The following SCAF11 variants were observed in gnomAD, a reference collection of about 807,000 sequenced individuals.
SCAF11 encodes the protein protein SCAF11.
Under a neutral mutation model 140.5 loss-of-function variants are expected in SCAF11, and 47 were observed. That is an observed-to-expected ratio of 0.33 (90% CI 0.26 to 0.43). SCAF11 has a LOEUF of 0.43. SCAF11 is among the 20% of genes least tolerant of loss of function. SCAF11 has a pLI of 1.00. For missense variants in SCAF11, 1,645 were observed against 1,705.1 expected (o/e 0.96, Z 0.62); for synonymous variants, 557 against 579.4 (o/e 0.96, Z 0.55).
At chr12:45,963,022 A>T (rs1298813950) in intron 2 of SCAF11, among the ~76,000 whole-genome samples, 2 of 152,268 alleles carry the variant, frequency 1.3e-5, no homozygotes, top group African/African-American at 4.8e-5. Flanking sequence ...GACAATCAGC[A>T]GATTAGATCC....
chr12:45,925,186 A>T, intron 11 of SCAF11, 112 bp from the exon 12 acceptor site: 2 of 687,712 alleles, frequency 2.9e-6, no homozygotes, highest in Non-Finnish European at 4.8e-6. Context: ...TAGGCTCAGT[A>T]TACCAATACC....
Position 45,926,533 on chromosome 12 carries a change from T to C in SCAF11, c.3168A>G (p.Gly1056=), listed in dbSNP as rs748237176. 5 of 1,613,064 alleles carry C rather than the reference T, an allele frequency of 3.1e-6. No homozygotes were observed. The highest frequency in any genetic ancestry group is 1.7e-4 in the Middle Eastern group (1 of 6,056). Residue 1056 remains glycine, a synonymous_variant, in exon 11 of 15, where the codon GGA becomes GGG. Transcript: ENST00000369367. ...HWEENRNENS[G]NSWNKNFGSG... ...AACCAAAGTTTTTATTCCAAGAATT[T>C]CCTGAATTTTCATTTCTATTTTCTT... is the stretch of plus-strand genomic sequence containing the variant.
chr12:45,974,505 T>C lies in SCAF11; in HGVS notation c.-21-10317A>G, dbSNP rs916956960. 4.7e-5 allele frequency: 11 copies of C among 235,374 alleles called. 1 individual carries two copies. Among genetic ancestry groups the C allele is most frequent in the South Asian group, 1.6e-4 (3 of 19,092 alleles). 14.6% of individuals were successfully genotyped at this position (235,374 alleles called of 1,614,324 possible). On this transcript the variant is annotated intron_variant, in intron 1 of 14. Transcript: ENST00000369367. ...CACTGTGTTATCAACTAAGTTTATATACTATTTTAACAATGTTCACATCTT... is the reference window on the plus strand; with the variant it reads ...CACTGTGTTATCAACTAAGTTTATACACTATTTTAACAATGTTCACATCTT...
chr12:45,939,273 T>A (rs1051810861), intron 6 of SCAF11, among the ~76,000 whole-genome samples: 1 of 152,080 alleles, frequency 6.6e-6, no homozygotes, highest in Non-Finnish European at 1.5e-5. Flanking sequence ...CTAATCAAGA[T>A]ATAAGAATTC....
chr12:45,967,047 T>A (rs905685568), intron 1 of SCAF11, among the ~76,000 whole-genome samples: 1 of 152,198 alleles, frequency 6.6e-6, no homozygotes, highest in Non-Finnish European at 1.5e-5. Flanking sequence ...CTATGCTATT[T>A]TCACATTTCC....
At chr12:45,985,120 T>C (rs142462169) in intron 1 of SCAF11, among the ~76,000 whole-genome samples, 123 of 152,300 alleles carry the variant, frequency 8.1e-4, no homozygotes, top group African/African-American at 2.9e-3. Flanking sequence ...GAAAACAAGA[T>C]TTGGATGCTC....
chr12:45,948,319 G>A, intron 5 of SCAF11, 118 bp downstream of exon 5: 1 of 652,384 alleles, frequency 1.5e-6, no homozygotes, highest in Non-Finnish European at 2.7e-6. Flanking sequence ...TCAAGTGTGT[G>A]CTTTTGAATA....
chr12:45,933,088 T>C, intron 9 of SCAF11, 43 bp downstream of exon 9: 2 of 1,268,564 alleles, frequency 1.6e-6, no homozygotes, highest in African/African-American at 1.5e-5. Context: ...ATCTTGTTCA[T>C]GTTAGCATGT....
rs1944724125 is a variant in SCAF11 at position 45,921,980 on chromosome 12, G to A, written c.*68C>T. 1 of 1,507,294 alleles carries A rather than the reference G, an allele frequency of 6.6e-7. No homozygotes were observed. The highest frequency in any genetic ancestry group is 8.9e-7 in the Non-Finnish European group (1 of 1,120,100). The allele number at this position is 1,507,294 out of a possible 1,614,324, so 93.4% of individuals were successfully genotyped here. On this transcript the variant is annotated 3_prime_UTR_variant, in exon 15 of 15. Coordinates refer to ENST00000369367, the MANE Select transcript of SCAF11 (RefSeq NM_004719.3). ...CAATCACAGTTATGTATGATTTTCA[G>A]TTAATGGTACATGTTGAAATTGCAC...
At position 45,972,788 on chromosome 12, in the gene SCAF11, T is replaced by C. The variant is rs115926480; in HGVS notation, c.-21-8600A>G. Among the ~76,000 whole-genome samples, 1,274 of 146,482 alleles carry C rather than the reference T, an allele frequency of 8.7e-3. 20 individuals carry two copies. Among genetic ancestry groups the C allele is most frequent in the South Asian group, 0.067 (311 of 4,660 alleles). On this transcript the variant is annotated intron_variant, in intron 1 of 14. Coordinates refer to ENST00000369367, the MANE Select transcript of SCAF11 (RefSeq NM_004719.3). ...TTAAAAGAAAACACCACCAAGATGA[T>C]ACAGCTGGGTGAATTATCTAAAATG...
At chr12:45,969,744 G>C (rs1252316065) in intron 1 of SCAF11, among the ~76,000 whole-genome samples, 1 of 152,176 alleles carries the variant, frequency 6.6e-6, no homozygotes, top group Non-Finnish European at 1.5e-5. Context: ...GAGTGTGTGT[G>C]TTTGTTTTAA....
intron 1 of SCAF11, among the ~76,000 whole-genome samples, chr12:45,987,065 A>G (rs1467264188): frequency 6.6e-6 from 1 of 152,176 alleles, no homozygotes; most frequent in Non-Finnish European, 1.5e-5. Context: ...TCCTCTAAAA[A>G]CACAGACCCC....
intron 9 of SCAF11, among the ~76,000 whole-genome samples, chr12:45,932,007 C>T (rs1945055885): frequency 6.6e-6 from 1 of 151,896 alleles, no homozygotes; most frequent in Admixed American, 6.6e-5. Context: ...AGACTTTAAG[C>T]GTACATTTGC....
chr12:45,940,112 T>G, intron 6 of SCAF11, among the ~76,000 whole-genome samples: 1 of 152,116 alleles, frequency 6.6e-6, no homozygotes, highest in East Asian at 1.9e-4. Flanking sequence ...TAATAAATAC[T>G]GTCTAAGAAA....
chr12:45,990,406 A>G lies in SCAF11; in HGVS notation c.-75T>C. 8.1e-7 allele frequency: 1 copy of G among 1,232,366 alleles called. No homozygotes were observed. The highest frequency in any genetic ancestry group is 1.0e-6 in the Non-Finnish European group (1 of 988,624). 76.3% of individuals were successfully genotyped at this position (1,232,366 alleles called of 1,614,324 possible). A position where few individuals can be genotyped will look rare whatever the true frequency, so the allele number is the denominator to read the frequency against. On this transcript the variant is annotated 5_prime_UTR_variant, in exon 1 of 15. Transcript: ENST00000369367. Reference sequence around the variant, plus strand: ...GGCCGCGGCCCCACAGTAGGTTCCCAGGTCCCAGTCACTCCGCTGCCAAGT... The same window carrying G: ...GGCCGCGGCCCCACAGTAGGTTCCCGGGTCCCAGTCACTCCGCTGCCAAGT...
At chr12:45,937,815 A>G (rs1001868807) in intron 6 of SCAF11, among the ~76,000 whole-genome samples, 2 of 152,154 alleles carry the variant, frequency 1.3e-5, no homozygotes, top group Admixed American at 6.5e-5. Context: ...CATTTATGCT[A>G]AAGTTTAAAT....
intron 1 of SCAF11, among the ~76,000 whole-genome samples, chr12:45,989,645 G>C (rs955509897): frequency 6.6e-6 from 1 of 152,198 alleles, no homozygotes. Context: ...GGTCTCAGAA[G>C]GGGCGACTGA....
At chr12:45,954,843 C>T (rs1015144370) in intron 3 of SCAF11, 2 of 150,842 alleles carry the variant, frequency 1.3e-5, no homozygotes, top group African/African-American at 4.9e-5. Flanking sequence ...ACCTCAGCCT[C>T]CCAAAGTGTT....
chr12:45,926,060 C>T, intron 11 of SCAF11, 82 bp downstream of exon 11: 1 of 1,384,128 alleles, frequency 7.2e-7, no homozygotes. Context: ...AAATAAGGAT[C>T]ATTTCAACTC....
Sources: allele counts gnomAD v4.1 joint callset (sites outside exome capture counted in the v4.1 genomes callset), GRCh38; gene constraint gnomAD v4.1.1; transcripts MANE v1.5; gene names NCBI Gene and HGNC (gene_info 2026-07-23, HGNC 2026-07-21).